Variants in PIGZ observed in about 807,000 individuals in gnomAD.
PIGZ encodes the protein phosphatidylinositol glycan anchor biosynthesis class Z (Gwada blood group).
PIGZ carries 16 observed loss-of-function variants against 16.4 expected under a neutral mutation model. The observed-to-expected ratio is 0.97, with a 90% CI of 0.66 to 1.48. The LOEUF (loss-of-function observed/expected upper bound fraction) is 1.48, where lower values mean the gene tolerates loss of function less well. Ranked by LOEUF, PIGZ falls within the 40% of genes most tolerant of loss-of-function variation. The pLI, the probability that PIGZ is intolerant of heterozygous loss-of-function variation, is 0.00. For synonymous variants in PIGZ, 409 were observed against 338.4 expected (o/e 1.21, Z -2.29); for missense variants, 770 against 739.2 (o/e 1.04, Z -0.48).
intron 1 of PIGZ, among the ~76,000 whole-genome samples, chr3:196,966,365 T>A (rs1378190752): frequency 2.0e-5 from 3 of 152,246 alleles, no homozygotes; most frequent in Non-Finnish European, 4.4e-5. Context: ...ACATAAGTGG[T>A]TGCTTTCTTT....
At chr3:196,953,507 T>C (rs1717368524) in intron 1 of PIGZ, among the ~76,000 whole-genome samples, 1 of 152,180 alleles carries the variant, frequency 6.6e-6, no homozygotes. Flanking sequence ...TCAACTCAAA[T>C]ATAGTATTAA....
chr3:196,950,320 C>T (rs1418706593), intron 2 of PIGZ, among the ~76,000 whole-genome samples: 1 of 152,160 alleles, frequency 6.6e-6, no homozygotes, highest in East Asian at 1.9e-4. Flanking sequence ...AGAATATATC[C>T]AAGTAGTACT....
At chr3:196,963,424 T>C (rs1717799566) in intron 1 of PIGZ, among the ~76,000 whole-genome samples, 1 of 152,258 alleles carries the variant, frequency 6.6e-6, no homozygotes, top group Non-Finnish European at 1.5e-5. Context: ...CAGAAATGTA[T>C]GACGGTTCTA....
Position 196,947,497 on chromosome 3 carries a change from A to T in PIGZ, c.1400T>A (p.Met467Lys), listed in dbSNP as rs768858483. The T allele has an allele frequency of 6.2e-7, 1 of 1,613,590 alleles. No homozygotes were observed. The highest frequency in any genetic ancestry group is 8.5e-7 in the Non-Finnish European group (1 of 1,179,958). The part of the protein sequence containing the change: ...HYTLLFTHTY[M>K]PPRHLLHLPG... ...GAGGTGTAGGAGGTGCCGGGGGGGC[A>T]TGTAGGTGTGAGTGAAGAGGAGTGT... Residue 467 changes from methionine (M) to lysine (K), a missense_variant, in exon 3 of 3, where the codon ATG (methionine) becomes AAG (lysine). By Grantham distance (95) the Met-to-Lys change is moderately conservative. Coordinates refer to ENST00000412723, the MANE Select transcript of PIGZ (RefSeq NM_025163.4).
intron 2 of PIGZ, chr3:196,951,493 T>C: frequency 1.1e-5 from 4 of 360,688 alleles, no homozygotes; most frequent in South Asian, 1.1e-4. Flanking sequence ...TGCCAAACAC[T>C]GGGGAAGCCT....
In PIGZ at chr3:196,952,027, T is replaced by G; in HGVS notation, c.5A>C (p.Gln2Pro). Residue 2 changes from glutamine to proline, a missense_variant, in exon 2 of 3, where the codon CAG (glutamine) becomes CCG (proline). Coordinates refer to ENST00000412723, the MANE Select transcript of PIGZ (RefSeq NM_025163.4). The part of the protein sequence containing the change: M[Q>P]ICGSSVASVA... ...AGATGCTACGCTGGATCCACAGATC[T>G]GCATCTGTTGAGGATAACAGTTGTT... 1 of 1,613,314 alleles carries G rather than the reference T, an allele frequency of 6.2e-7. No homozygotes were observed. The highest frequency in any genetic ancestry group is 8.5e-7 in the Non-Finnish European group (1 of 1,179,510).
At chr3:196,966,576 C>G (rs1165931595) in intron 1 of PIGZ, among the ~76,000 whole-genome samples, 1 of 152,218 alleles carries the variant, frequency 6.6e-6, no homozygotes, top group South Asian at 2.1e-4. Context: ...GCCCATCTGT[C>G]AAGGACAGAG....
At chr3:196,951,737 C>T in intron 2 of PIGZ, 84 bp downstream of exon 2, 1 of 1,324,314 alleles carries the variant, frequency 7.6e-7, no homozygotes, top group Non-Finnish European at 1.1e-6. Context: ...CCCAGACATG[C>T]TACTCCCTCC....
At chr3:196,948,922 TCCTTCCCTTTACTTC>T (rs1717102494) in intron 2 of PIGZ, among the ~76,000 whole-genome samples, 1 of 29,386 alleles carries the variant, frequency 3.4e-5, no homozygotes, top group Non-Finnish European at 5.5e-5. Flanking sequence ...TCCCTTCCCT[TCCTTCCCTTTACTTC>T]CCTTCCTTCC....
chr3:196,963,996 CAA>C lies in PIGZ; in HGVS notation c.-1+4689_-1+4690del, dbSNP rs1305398189. 2.0e-5 allele frequency among the ~76,000 whole-genome samples: 3 copies of C among 152,212 alleles called. No individual in the cohort carries two copies. The East Asian group carries it at 5.8e-4, about 29-fold the overall frequency. On this transcript the variant is annotated intron_variant, in intron 1 of 2. Coordinates refer to ENST00000412723, the MANE Select transcript of PIGZ (RefSeq NM_025163.4). ...CTGATAATAATAAGGAATAGTATAA[CAA>C]TAATAATAGCACTACCTTTTTTTAT... is the stretch of plus-strand genomic sequence containing the variant.
intron 1 of PIGZ, among the ~76,000 whole-genome samples, chr3:196,962,222 G>T (rs950475110): frequency 8.5e-5 from 13 of 152,202 alleles, no homozygotes; most frequent in Non-Finnish European, 1.5e-5. Context: ...CAAGGTTAAT[G>T]GATTTAGGGC....
intron 2 of PIGZ, among the ~76,000 whole-genome samples, chr3:196,949,852 T>G (rs900155427): frequency 3.3e-5 from 5 of 152,092 alleles, no homozygotes; most frequent in Admixed American, 3.3e-4. Flanking sequence ...ACCCTTGTCC[T>G]TACACCTGTC....
rs141868091 is a variant in PIGZ at position 196,965,371 on chromosome 3, G to A, written c.-1+3316C>T. ...TCTCATGAGAACTCCCTAACTATCC[G>A]AAGAACAGCGTGGGGGAAACCACCC... On this transcript the variant is annotated intron_variant, in intron 1 of 2. Coordinates refer to ENST00000412723, the MANE Select transcript of PIGZ (RefSeq NM_025163.4). The surrounding 1 kb of genome is among the most constrained non-coding windows in gnomAD (Gnocchi z 4.2). Among the ~76,000 whole-genome samples the A allele has an allele frequency of 2.6e-5, 4 of 152,222 alleles. No individual in the cohort carries two copies. The highest frequency in any genetic ancestry group is 9.6e-5 in the African/African-American group (4 of 41,534).
At chr3:196,961,852 C>T (rs1201109578) in intron 1 of PIGZ, among the ~76,000 whole-genome samples, 1 of 152,112 alleles carries the variant, frequency 6.6e-6, no homozygotes, top group Non-Finnish European at 1.5e-5. Flanking sequence ...TTGGTATATT[C>T]GTAGACAGGT....
intron 2 of PIGZ, 93 bp downstream of exon 2, chr3:196,951,728 C>G (rs976868102): frequency 8.1e-7 from 1 of 1,234,288 alleles, no homozygotes; most frequent in Non-Finnish European, 1.2e-6. Flanking sequence ...ACTCATCTAC[C>G]CAGACATGCT....
At chr3:196,956,166 G>A (rs950488992) in intron 1 of PIGZ, among the ~76,000 whole-genome samples, 7 of 151,790 alleles carry the variant, frequency 4.6e-5, no homozygotes, top group African/African-American at 1.5e-4. Flanking sequence ...TTGGCTTCTC[G>A]AACCTGTGGA....
chr3:196,953,396 T>C (rs1371917704), intron 1 of PIGZ, among the ~76,000 whole-genome samples: 1 of 152,194 alleles, frequency 6.6e-6, no homozygotes, highest in African/African-American at 2.4e-5. Flanking sequence ...TCAACCCCAT[T>C]GTTTCCAGTC....
Position 196,947,349 on chromosome 3 carries a change from G to A in PIGZ, c.1548C>T (p.Leu516=). ...CAGGGGTTACCACAAAGAGGCGGCA[G>A]AGCCATGGCCCACCAGCCACTTGGC... The part of the protein sequence containing the change: ...PACQVAGGPW[L]CRLFVVTPGT... The change falls in exon 3 of 3, where the codon CTC becomes CTT. Residue 516 remains leucine (L), a synonymous_variant. Transcript: ENST00000412723. 1 of 1,614,228 alleles carries A rather than the reference G, an allele frequency of 6.2e-7. No homozygotes were observed. The highest frequency in any genetic ancestry group is 8.5e-7 in the Non-Finnish European group (1 of 1,180,050).
At chr3:196,964,031 C>CA (rs200475266) in intron 1 of PIGZ, among the ~76,000 whole-genome samples, 6 of 141,570 alleles carry the variant, frequency 4.2e-5, no homozygotes, top group Admixed American at 2.1e-4. Context: ...TATTTGTTTG[C>CA]TTTTATTTTT....
Sources: gnomAD v4.1 joint callset for allele counts (sites outside exome capture counted in the v4.1 genomes callset) on GRCh38, gnomAD v4.1.1 for gene constraint, Gnocchi (gnomAD v3.1) non-coding constraint, MANE v1.5 for transcripts, NCBI Gene and HGNC (gene_info 2026-07-23, HGNC 2026-07-21) for gene names.